The following APBB2 variants were observed in gnomAD, a reference collection of about 807,000 sequenced individuals.
APBB2 encodes amyloid beta precursor protein binding family B member 2.
In APBB2, 38 loss-of-function variants were observed where a neutral mutation model predicts 82.5. That is an observed-to-expected ratio of 0.46 (90% confidence interval 0.36 to 0.60). The LOEUF is 0.60. Among genes scored for constraint, APBB2 ranks in the 20% least tolerant of loss-of-function variants. The pLI is 0.00. For missense variants in APBB2, 772 were observed against 972.3 expected, an observed-to-expected ratio of 0.79 and a Z score of 2.74; for synonymous variants, 341 against 368.2, an observed-to-expected ratio of 0.93 and a Z score of 0.85.
At chr4:41,082,301 A>G (rs1737917574) in intron 3 of APBB2, among the ~76,000 whole-genome samples, 2 of 152,308 alleles carry the variant, frequency 1.3e-5, no homozygotes, top group South Asian at 4.1e-4. Flanking sequence ...CTCATCACAC[A>G]GTACTTATTT....
At chr4:41,137,327 T>TC (rs1481161654) in intron 2 of APBB2, among the ~76,000 whole-genome samples, 1 of 152,184 alleles carries the variant, frequency 6.6e-6, no homozygotes, top group African/African-American at 2.4e-5. Flanking sequence ...CTTAATCTTT[T>TC]TTTTTCCAAA....
intron 12 of APBB2, among the ~76,000 whole-genome samples, chr4:40,853,094 C>G (rs1356935786): frequency 3.9e-5 from 6 of 152,126 alleles, no homozygotes; most frequent in African/African-American, 1.4e-4. Context: ...CTAGATCACA[C>G]CCCTTCCTGC....
At chr4:41,167,113 A>G (rs921028240) in intron 1 of APBB2, among the ~76,000 whole-genome samples, 7 of 152,200 alleles carry the variant, frequency 4.6e-5, no homozygotes, top group African/African-American at 1.2e-4. Flanking sequence ...AGGTTTATCA[A>G]AAAGGATATA....
At chr4:41,154,872 C>G (rs1763080698) in intron 1 of APBB2, among the ~76,000 whole-genome samples, 1 of 152,164 alleles carries the variant, frequency 6.6e-6, no homozygotes. Context: ...CCACAAGGTC[C>G]AACTCAATCA....
In APBB2 at chr4:40,928,586, T is replaced by C. The variant is rs545415961; in HGVS notation, c.1254+5870A>G. On this transcript the variant is annotated intron_variant, in intron 10 of 17. Transcript: ENST00000508593. The stretch of plus-strand genomic sequence containing the variant: ...AGAGCGACACTCTGTCTCAAATAAA[T>C]AATTTTAAAAAAAATGTGGCCAGGT... 5.8e-3 allele frequency among the ~76,000 whole-genome samples: 845 copies of C among 144,850 alleles called. 1 individual carries two copies. The highest frequency in any genetic ancestry group is 8.8e-3 in the Non-Finnish European group (580 of 66,202).
chr4:41,084,939 C>T (rs1739087569), intron 3 of APBB2, among the ~76,000 whole-genome samples: 1 of 152,074 alleles, frequency 6.6e-6, no homozygotes, highest in African/African-American at 2.4e-5. Flanking sequence ...GTTTGAGTGG[C>T]ATTTCCTTGA....
intron 6 of APBB2, among the ~76,000 whole-genome samples, chr4:41,001,528 G>C (rs2154420143): frequency 6.6e-6 from 1 of 152,318 alleles, no homozygotes; most frequent in South Asian, 2.1e-4. Flanking sequence ...TACTAAGGAT[G>C]AATTTTTGTG....
At chr4:40,947,003 G>A (rs962320402) in intron 6 of APBB2, among the ~76,000 whole-genome samples, 1 of 152,160 alleles carries the variant, frequency 6.6e-6, no homozygotes. Flanking sequence ...AAATTATGCT[G>A]GGAATTTCCC....
At chr4:41,037,476 C>T (rs1719687091) in intron 4 of APBB2, among the ~76,000 whole-genome samples, 1 of 151,996 alleles carries the variant, frequency 6.6e-6, no homozygotes, top group Non-Finnish European at 1.5e-5. Context: ...GATAATTATA[C>T]AAAAAAGTTA....
At position 40,812,162 on chromosome 4, in the gene APBB2, T is replaced by C. The variant is rs949127181; in HGVS notation, c.*3930A>G. 2.0e-5 allele frequency: 3 copies of C among 152,206 alleles called. No individual in the cohort carries two copies. Among genetic ancestry groups the C allele is most frequent in the Non-Finnish European group, 1.5e-5 (1 of 68,030 alleles). 9.4% of individuals were successfully genotyped at this position (152,206 alleles called of 1,614,324 possible). A position where few individuals can be genotyped will look rare whatever the true frequency, so the allele number is the denominator to read the frequency against. The stretch of plus-strand genomic sequence containing the variant: ...TTACCAGGCAGAAATATGTAGTAAC[T>C]AATCAAAGCAAAATGCTCCATTACT... On this transcript the variant is annotated 3_prime_UTR_variant, in exon 18 of 18. Transcript: ENST00000508593.
intron 10 of APBB2, among the ~76,000 whole-genome samples, chr4:40,906,701 T>A (rs975450332): frequency 1.3e-5 from 2 of 152,132 alleles, no homozygotes; most frequent in East Asian, 1.9e-4. Flanking sequence ...TTTTTAAGTG[T>A]CCATACAAAA....
chr4:40,834,439 C>A (rs993218958), intron 12 of APBB2, among the ~76,000 whole-genome samples: 25 of 152,170 alleles, frequency 1.6e-4, no homozygotes, highest in Admixed American at 1.2e-3. Flanking sequence ...TACAAGCGAT[C>A]GAATTTCATT....
intron 4 of APBB2, among the ~76,000 whole-genome samples, chr4:41,055,941 C>G (rs963855879): frequency 2.6e-5 from 4 of 152,162 alleles, no homozygotes; most frequent in Non-Finnish European, 5.9e-5. Flanking sequence ...CCCTGCAATC[C>G]CAGCACTTTG....
Position 41,049,315 on chromosome 4 carries a change from G to A in APBB2, c.-50-16011C>T, listed in dbSNP as rs188022916. ...TGAGGAGCCCCTCTGCCCGGCAGCC[G>A]CCCCGTCGGAGAAGTGAGGAGCGTC... On this transcript the variant is annotated intron_variant, in intron 4 of 17. Transcript: ENST00000508593. Among the ~76,000 whole-genome samples the A allele has an allele frequency of 6.2e-3, 902 of 146,590 alleles. 14 individuals are homozygous for A. Among genetic ancestry groups the A allele is most frequent in the South Asian group, 0.012 (54 of 4,502 alleles).
chr4:40,871,723 AT>A (rs1446281244), intron 12 of APBB2, among the ~76,000 whole-genome samples: 3 of 152,234 alleles, frequency 2.0e-5, no homozygotes, highest in Non-Finnish European at 4.4e-5. Flanking sequence ...ACCATAAAGC[AT>A]TGTGTCAAAA....
chr4:40,811,632 G>A lies in APBB2; in HGVS notation c.*4460C>T, dbSNP rs1359922668. 1.4e-5 allele frequency: 2 copies of A among 145,342 alleles called. No individual in the cohort carries two copies. Among genetic ancestry groups the A allele is most frequent in the Admixed American group, 6.9e-5 (1 of 14,514 alleles). 9.0% of individuals were successfully genotyped at this position (145,342 alleles called of 1,614,324 possible). ...GTTTCATTTGGCATTTTACATTCTT[G>A]GACTTCTTCTTGAGATAAAAGTGCT... On this transcript the variant is annotated 3_prime_UTR_variant, in exon 18 of 18. Transcript: ENST00000508593.
In APBB2 at chr4:40,982,222, G is replaced by GA. The variant is rs1560445100; in HGVS notation, c.835+31360dup. Among the ~76,000 whole-genome samples the GA allele has an allele frequency of 1.4e-3, 49 of 34,146 alleles. 2 individuals are homozygous for GA. The highest frequency in any genetic ancestry group is 4.2e-3 in the African/African-American group (36 of 8,528). 22.4% of individuals were successfully genotyped at this position (34,146 alleles called of 152,430 possible). On this transcript the variant is annotated intron_variant, in intron 6 of 17. Coordinates refer to ENST00000508593, the MANE Select transcript of APBB2 (RefSeq NM_004307.2). The stretch of plus-strand genomic sequence containing the variant: ...AAGAAAGAAAAGAAAGAAAAGAAAG[G>GA]AAAGAAAGAAAGAAAGAAAGAAAGA...
chr4:40,837,804 C>G (rs575862252), intron 12 of APBB2, among the ~76,000 whole-genome samples: 50 of 152,246 alleles, frequency 3.3e-4, no homozygotes, highest in African/African-American at 1.2e-3. Context: ...TTTCTTGTGT[C>G]TCTTCTTTAA....
intron 12 of APBB2, among the ~76,000 whole-genome samples, chr4:40,878,015 G>C (rs1019157446): frequency 2.0e-5 from 3 of 151,994 alleles, no homozygotes; most frequent in African/African-American, 7.2e-5. Flanking sequence ...TTCCTAAAGG[G>C]GCAGACTTGG....
Sources: allele counts gnomAD v4.1 joint callset (sites outside exome capture counted in the v4.1 genomes callset), GRCh38; gene constraint gnomAD v4.1.1; transcripts MANE v1.5; gene names NCBI Gene and HGNC (gene_info 2026-07-23, HGNC 2026-07-21).